The following KIAA0586 variants were observed in gnomAD, a reference collection of about 807,000 sequenced individuals.
The protein encoded by KIAA0586 is protein TALPID3.
In KIAA0586, 144 loss-of-function variants were observed where a neutral mutation model predicts 169.8. The ratio of observed to expected loss-of-function variants is 0.85; its 90% CI spans 0.74 to 0.97. The LOEUF is 0.97. Among genes scored for constraint, KIAA0586 ranks in the 50% least tolerant of loss-of-function variants. KIAA0586 has a pLI of 0.00. For synonymous variants in KIAA0586, 625 were observed against 612.4 expected, an observed-to-expected ratio of 1.02 and a Z score of -0.30; for missense variants, 1,854 against 1,823.0, an observed-to-expected ratio of 1.02 and a Z score of -0.31.
intron 29 of KIAA0586, among the ~76,000 whole-genome samples, chr14:58,532,417 G>A (rs1305735723): frequency 6.6e-6 from 1 of 152,156 alleles, no homozygotes; most frequent in Admixed American, 6.5e-5. Context: ...TAGCCAATGG[G>A]TATAATCTGG....
At position 58,470,620 on chromosome 14, in the gene KIAA0586, C is replaced by T. The variant is rs772167705; in HGVS notation, c.2450C>T (p.Pro817Leu). ...TGTTGTATTCTGTTTTAGGTATTACCCAGTGTAGATATTGACAGCATTTCA... is the reference window on the plus strand; with the variant it reads ...TGTTGTATTCTGTTTTAGGTATTACTCAGTGTAGATATTGACAGCATTTCA... ...DPPQLTVQVL[P>L]SVDIDSISNS... The change falls in exon 17 of 31, where the codon CCC becomes CTC. Residue 817 changes from proline to leucine, a missense_variant. Coordinates refer to ENST00000652326, the MANE Select transcript of KIAA0586 (RefSeq NM_001329943.3). The T allele has an allele frequency of 1.3e-6, 2 of 1,582,680 alleles. No individual in the cohort carries two copies. Among genetic ancestry groups the T allele is most frequent in the Non-Finnish European group, 1.7e-6 (2 of 1,152,362 alleles).
rs961726903 is a variant in KIAA0586 at position 58,537,250 on chromosome 14, A to G, written c.4430-2821A>G. 5.7e-5 allele frequency: 52 copies of G among 906,172 alleles called. No homozygotes were observed. In the African/African-American group the frequency reaches 9.0e-4, roughly 16 times the overall value. The allele number at this position is 906,172 out of a possible 1,614,324, so 56.1% of individuals were successfully genotyped here. A position where few individuals can be genotyped will look rare whatever the true frequency, so the allele number is the denominator to read the frequency against. ...TGGCTTATTTTTTTTAACTGTTAAG[A>G]CGTATCACTGCAGAAGTCAAGATCC... is the stretch of plus-strand genomic sequence containing the variant. On this transcript the variant is annotated intron_variant, in intron 29 of 30. Transcript: ENST00000652326.
intron 4 of KIAA0586, among the ~76,000 whole-genome samples, chr14:58,440,354 T>A (rs1293592987): frequency 2.0e-5 from 3 of 152,016 alleles, no homozygotes; most frequent in Non-Finnish European, 4.4e-5. Context: ...TTCTTTAGAC[T>A]GAGTTTCGCT....
At position 58,457,831 on chromosome 14, in the gene KIAA0586, A is replaced by G. The variant is rs2040000053; in HGVS notation, c.1435A>G (p.Thr479Ala). 1 of 1,608,544 alleles carries G rather than the reference A, an allele frequency of 6.2e-7. No individual in the cohort carries two copies. Among genetic ancestry groups the G allele is most frequent in the African/African-American group, 1.3e-5 (1 of 74,866 alleles). ...QNSVKLQTTNTTRSVLKDAEK... is the reference protein window; with the variant it reads ...QNSVKLQTTNATRSVLKDAEK... ...TTCTGTTAAGCTTCAAACAACCAATACAACAAGATCTGTATTGAAAGATGC... is the reference window on the plus strand; with the variant it reads ...TTCTGTTAAGCTTCAAACAACCAATGCAACAAGATCTGTATTGAAAGATGC... Residue 479 changes from threonine to alanine, a missense_variant, in exon 11 of 31, where the codon ACA (threonine) becomes GCA (alanine). Thr to Ala is a moderately conservative substitution (Grantham distance 58). Transcript: ENST00000652326.
intron 12 of KIAA0586, among the ~76,000 whole-genome samples, chr14:58,459,365 C>A (rs1240047410): frequency 1.3e-5 from 2 of 152,104 alleles, no homozygotes; most frequent in South Asian, 2.1e-4. Flanking sequence ...GTCTAGTTTT[C>A]GCTCTACAGC....
At chr14:58,467,681 C>T in intron 15 of KIAA0586, 54 bp from the exon 16 acceptor site, 3 of 1,331,050 alleles carry the variant, frequency 2.3e-6, no homozygotes, top group Non-Finnish European at 2.1e-6. Context: ...GTATATTAGA[C>T]TTTTCCCTTT....
intron 9 of KIAA0586, among the ~76,000 whole-genome samples, chr14:58,455,671 C>CGTGTGT (rs113621863): frequency 6.0e-4 from 90 of 150,122 alleles, no homozygotes; most frequent in Middle Eastern, 3.4e-3. Context: ...CCATGGATTA[C>CGTGTGT]GTGTGTGTGT....
intron 18 of KIAA0586, among the ~76,000 whole-genome samples, chr14:58,473,516 G>A (rs1262058908): frequency 6.6e-6 from 1 of 152,126 alleles, no homozygotes; most frequent in Non-Finnish European, 1.5e-5. Flanking sequence ...ATATTTAAAT[G>A]TAAATTATAA....
At chr14:58,480,778 C>T (rs1263682466) in intron 20 of KIAA0586, among the ~76,000 whole-genome samples, 1 of 152,206 alleles carries the variant, frequency 6.6e-6, no homozygotes, top group Non-Finnish European at 1.5e-5. Flanking sequence ...TTTAGCATAG[C>T]TCACATGCCT....
intron 28 of KIAA0586, among the ~76,000 whole-genome samples, chr14:58,511,003 G>A (rs2044346570): frequency 6.6e-6 from 1 of 152,146 alleles, no homozygotes; most frequent in Admixed American, 6.6e-5. Context: ...ATAAAAGGGT[G>A]TGAGAAAACT....
intron 29 of KIAA0586, among the ~76,000 whole-genome samples, chr14:58,525,039 C>A (rs1040824605): frequency 6.6e-6 from 1 of 152,074 alleles, no homozygotes. Context: ...ATGACTGTTT[C>A]TAGGAAATCT....
At chr14:58,555,916 ACTTGTTTAGCATTT>A (rs772724917), downstream of KIAA0586, among the ~76,000 whole-genome samples, 371 of 152,292 alleles carry the variant, frequency 2.4e-3, no homozygotes, top group Non-Finnish European at 3.9e-3. Context: ...AATAAAAGCT[ACTTGTTTAGCATTT>A]GAGCTAGCAA....
chr14:58,494,354 A>T (rs1410051822), intron 26 of KIAA0586, among the ~76,000 whole-genome samples: 16 of 144,232 alleles, frequency 1.1e-4, no homozygotes, highest in Non-Finnish European at 1.2e-4. Flanking sequence ...TTGCATTTTA[A>T]TATCTTTTCT....
downstream of KIAA0586, among the ~76,000 whole-genome samples, chr14:58,553,407 T>G (rs533187975): frequency 1.1e-4 from 16 of 152,208 alleles, no homozygotes; most frequent in Admixed American, 4.6e-4. Context: ...GAAACGTATT[T>G]TGCTTCAAAA....
At position 58,521,584 on chromosome 14, in the gene KIAA0586, A is replaced by T; in HGVS notation, c.4429+8957A>T. 1.2e-5 allele frequency: 12 copies of T among 987,790 alleles called. No individual in the cohort carries two copies. The South Asian group carries it at 1.5e-4, about 13-fold the overall frequency. The allele number at this position is 987,790 out of a possible 1,614,324, so 61.2% of individuals were successfully genotyped here. On this transcript the variant is annotated intron_variant, in intron 29 of 30. Transcript: ENST00000652326. ...TGTATCAGGAAACATGAAGGGGAAA[A>T]AGTGGCTTCAATTCTAAGAGAGGAC...
At chr14:58,479,755 C>T (rs1341770687) in intron 20 of KIAA0586, among the ~76,000 whole-genome samples, 1 of 151,998 alleles carries the variant, frequency 6.6e-6, no homozygotes, top group Non-Finnish European at 1.5e-5. Context: ...TATGGATATC[C>T]AGCTGTTCTA....
intron 28 of KIAA0586, among the ~76,000 whole-genome samples, chr14:58,511,232 G>A (rs1741213664): frequency 6.6e-6 from 1 of 152,126 alleles, no homozygotes; most frequent in African/African-American, 2.4e-5. Flanking sequence ...CCAGAAGAAA[G>A]GGCCTCAAAA....
At chr14:58,495,207 A>G (rs1203116485) in intron 26 of KIAA0586, among the ~76,000 whole-genome samples, 1 of 152,164 alleles carries the variant, frequency 6.6e-6, no homozygotes, top group African/African-American at 2.4e-5. Flanking sequence ...TATCTTCTCC[A>G]GATCTTTTTC....
chr14:58,480,248 G>A (rs1234685182), intron 20 of KIAA0586, among the ~76,000 whole-genome samples: 1 of 150,388 alleles, frequency 6.6e-6, no homozygotes, highest in African/African-American at 2.4e-5. Context: ...TTGTTTTACT[G>A]TATGGCTCAA....
Sources: allele counts gnomAD v4.1 joint callset (sites outside exome capture counted in the v4.1 genomes callset), GRCh38; gene constraint gnomAD v4.1.1; transcripts MANE v1.5; gene names NCBI Gene and HGNC (gene_info 2026-07-23, HGNC 2026-07-21).